Variants in AGBL4 observed in about 807,000 individuals in gnomAD.
The protein encoded by AGBL4 is cytosolic carboxypeptidase 6.
Under a neutral mutation model 66.4 loss-of-function variants are expected in AGBL4, and 58 were observed. The observed-to-expected ratio is 0.87, with a 90% CI of 0.71 to 1.09. The LOEUF is 1.09. Among genes scored for constraint, AGBL4 ranks in the 50% least tolerant of loss-of-function variants. AGBL4 has a pLI of 0.00. For missense variants in AGBL4, 579 were observed against 631.0 expected (o/e 0.92, Z 0.88); for synonymous variants, 234 against 222.9 (o/e 1.05, Z -0.44).
At chr1:49,561,332 T>C (rs1644035217) in intron 3 of AGBL4, among the ~76,000 whole-genome samples, 1 of 151,854 alleles carries the variant, frequency 6.6e-6, no homozygotes, top group Non-Finnish European at 1.5e-5. Flanking sequence ...ACATGTACCC[T>C]AAAGTTTTAG....
intron 3 of AGBL4, among the ~76,000 whole-genome samples, chr1:49,580,916 G>A (rs1299423712): frequency 1.3e-5 from 2 of 152,026 alleles, no homozygotes; most frequent in Admixed American, 6.5e-5. Flanking sequence ...TCTCTTACTA[G>A]ACTTGAAAAT....
chr1:48,811,871 G>A (rs1348521751), intron 6 of AGBL4, among the ~76,000 whole-genome samples: 1 of 152,188 alleles, frequency 6.6e-6, no homozygotes, highest in African/African-American at 2.4e-5. Flanking sequence ...CCAGGGCATG[G>A]CTATCTCTGA....
intron 5 of AGBL4, among the ~76,000 whole-genome samples, chr1:49,018,324 C>T (rs1003566030): frequency 6.6e-6 from 1 of 152,136 alleles, no homozygotes; most frequent in African/African-American, 2.4e-5. Context: ...AGCCCCAAAC[C>T]CTTACATACC....
At chr1:49,755,792 A>T (rs541752943) in intron 2 of AGBL4, among the ~76,000 whole-genome samples, 90 of 152,336 alleles carry the variant, frequency 5.9e-4, no homozygotes, top group Non-Finnish European at 1.2e-3. Flanking sequence ...GCAACACTTC[A>T]TCACTTATCA....
intron 6 of AGBL4, among the ~76,000 whole-genome samples, chr1:48,826,619 A>G (rs1171067479): frequency 6.6e-6 from 1 of 152,252 alleles, no homozygotes; most frequent in African/African-American, 2.4e-5. Flanking sequence ...AAGCAAGAGG[A>G]GGCTGGAAAG....
intron 3 of AGBL4, among the ~76,000 whole-genome samples, chr1:49,555,115 C>T (rs969385783): frequency 3.3e-5 from 5 of 152,224 alleles, no homozygotes; most frequent in Admixed American, 6.5e-5. Context: ...ACCCCACTCA[C>T]ATCCCGCTGA....
At chr1:48,725,041 G>C (rs915445553) in intron 6 of AGBL4, among the ~76,000 whole-genome samples, 3 of 152,188 alleles carry the variant, frequency 2.0e-5, no homozygotes, top group Admixed American at 2.0e-4. Flanking sequence ...GTGTGCAGCT[G>C]AACAGCATTT....
At chr1:48,793,518 G>A (rs1645599311) in intron 6 of AGBL4, among the ~76,000 whole-genome samples, 1 of 152,178 alleles carries the variant, frequency 6.6e-6, no homozygotes, top group Non-Finnish European at 1.5e-5. Context: ...TTTGGCACCT[G>A]CTGGGAGGAA....
chr1:49,844,872 G>A, intron 2 of AGBL4: 1 of 1,472,990 alleles, frequency 6.8e-7, no homozygotes, highest in South Asian at 1.1e-5. Flanking sequence ...TGGCAGTGCT[G>A]GCAGCCTTGA....
intron 2 of AGBL4, among the ~76,000 whole-genome samples, chr1:49,732,177 C>T (rs1649507015): frequency 6.6e-6 from 1 of 152,156 alleles, no homozygotes; most frequent in African/African-American, 2.4e-5. Context: ...TGAAGTACAG[C>T]CCTGACTGGG....
At chr1:49,704,598 T>C (rs1248491358) in intron 2 of AGBL4, among the ~76,000 whole-genome samples, 2 of 152,152 alleles carry the variant, frequency 1.3e-5, no homozygotes, top group Non-Finnish European at 2.9e-5. Flanking sequence ...CTTGAGCTAA[T>C]TTTTGTATAA....
At chr1:48,591,078 A>ACC (rs1644909532) in intron 9 of AGBL4, 93 bp from the exon 10 acceptor site, 2 of 921,344 alleles carry the variant, frequency 2.2e-6, no homozygotes, top group African/African-American at 2.1e-5. Flanking sequence ...CACCCCCCAC[A>ACC]CACACCCACC....
chr1:49,523,582 T>C (rs1570944590), intron 3 of AGBL4, among the ~76,000 whole-genome samples: 1 of 151,430 alleles, frequency 6.6e-6, no homozygotes, highest in East Asian at 1.9e-4. Flanking sequence ...ACATAATAAC[T>C]GGGAGGTGAA....
At chr1:49,436,337 C>T (rs1411828050) in intron 3 of AGBL4, among the ~76,000 whole-genome samples, 1 of 152,070 alleles carries the variant, frequency 6.6e-6, no homozygotes, top group Non-Finnish European at 1.5e-5. Context: ...AATGCGAACT[C>T]ACAGAAAAAC....
intron 4 of AGBL4, among the ~76,000 whole-genome samples, chr1:49,085,107 A>G (rs1212241798): frequency 2.6e-5 from 4 of 152,166 alleles, no homozygotes; most frequent in Non-Finnish European, 4.4e-5. Context: ...AAAATAACCT[A>G]CGCAGGTGGA....
chr1:49,313,288 G>A (rs908304866), intron 3 of AGBL4, among the ~76,000 whole-genome samples: 2 of 152,052 alleles, frequency 1.3e-5, no homozygotes, highest in African/African-American at 4.8e-5. Flanking sequence ...TGAACATTTA[G>A]GTTGATTCCA....
At position 48,955,717 on chromosome 1, in the gene AGBL4, G is replaced by GA. The variant is rs1401898880; in HGVS notation, c.595-88488dup. Among the ~76,000 whole-genome samples the GA allele has an allele frequency of 3.3e-5, 5 of 152,208 alleles. No homozygotes were observed. The East Asian group carries it at 9.7e-4, about 29-fold the overall frequency. ...CTAGTTTGTTTACCTTGGTATAATT[G>GA]AAAAAACGAGAAGCTAGGCAGTCCC... On this transcript the variant is annotated intron_variant, in intron 5 of 13. Coordinates refer to ENST00000371839, the MANE Select transcript of AGBL4 (RefSeq NM_032785.4).
intron 9 of AGBL4, among the ~76,000 whole-genome samples, chr1:48,618,954 A>C (rs570850909): frequency 7.2e-5 from 11 of 151,746 alleles, no homozygotes; most frequent in South Asian, 2.1e-4. Flanking sequence ...AAAAAAAAAA[A>C]CGGGAAATCA....
chr1:49,823,009 G>A (rs1645409237), intron 2 of AGBL4, among the ~76,000 whole-genome samples: 1 of 152,182 alleles, frequency 6.6e-6, no homozygotes, highest in South Asian at 2.1e-4. Flanking sequence ...CCTCACACCA[G>A]TTAGATACAG....
Sources: gnomAD v4.1 joint callset for allele counts (sites outside exome capture counted in the v4.1 genomes callset) on GRCh38, gnomAD v4.1.1 for gene constraint, MANE v1.5 for transcripts, NCBI Gene and HGNC (gene_info 2026-07-23, HGNC 2026-07-21) for gene names.